The following ZBTB25 variants were observed in gnomAD, a reference collection of about 807,000 sequenced individuals.
ZBTB25 encodes the protein zinc finger and BTB domain containing 25.
In ZBTB25, 20 loss-of-function variants were observed where a neutral mutation model predicts 34.2. That is an observed-to-expected ratio of 0.58 (90% CI 0.41 to 0.85). ZBTB25 has a LOEUF of 0.85. ZBTB25 is among the 40% of genes least tolerant of loss of function. The pLI is 0.00. For synonymous variants in ZBTB25, 175 were observed against 186.4 expected (o/e 0.94, Z 0.50); for missense variants, 437 against 521.8 (o/e 0.84, Z 1.58).
chr14:64,502,161 C>A (rs1324011625), intron 1 of ZBTB25, among the ~76,000 whole-genome samples: 1 of 152,194 alleles, frequency 6.6e-6, no homozygotes, highest in East Asian at 1.9e-4. Flanking sequence ...TGGCCCACTG[C>A]AAGTACTCAG....
intron 2 of ZBTB25, chr14:64,468,482 G>A (rs2078634556): frequency 1.9e-6 from 3 of 1,613,984 alleles, no homozygotes; most frequent in Non-Finnish European, 2.5e-6. Context: ...AAGGCAGAAG[G>A]AAAAGGCATC....
In ZBTB25 at chr14:64,484,933, C is replaced by G. The variant is rs959939040; in HGVS notation, c.*1990G>C. The G allele has an allele frequency of 4.1e-5, 38 of 934,934 alleles. No individual in the cohort carries two copies. Among genetic ancestry groups the G allele is most frequent in the Admixed American group, 2.5e-4 (4 of 16,174 alleles). The allele number at this position is 934,934 out of a possible 1,614,324, so 57.9% of individuals were successfully genotyped here. On this transcript the variant is annotated 3_prime_UTR_variant, in exon 3 of 3. Coordinates refer to ENST00000608382, the MANE Select transcript of ZBTB25 (RefSeq NM_006977.5). The stretch of plus-strand genomic sequence containing the variant: ...TGGTAGAAAAAAGTTTAAGATTAGA[C>G]AAAGTTCTGACCCCAAAGAACATAC...
Position 64,482,834 on chromosome 14 carries a change from A to G in ZBTB25, c.*4089T>C, listed in dbSNP as rs1326319689. ...TCGTTTATATGGTTGATTTTAATCA[A>G]TAATACTGAGAGAACTTAACACGTT... On this transcript the variant is annotated 3_prime_UTR_variant, in exon 3 of 3. Transcript: ENST00000608382. 3 of 152,256 alleles carry G rather than the reference A, an allele frequency of 2.0e-5. No homozygotes were observed. Among genetic ancestry groups the G allele is most frequent in the Non-Finnish European group, 2.9e-5 (2 of 68,036 alleles). 9.4% of individuals were successfully genotyped at this position (152,256 alleles called of 1,614,324 possible).
At position 64,482,466 on chromosome 14, in the gene ZBTB25, A is replaced by C. The variant is rs564243094; in HGVS notation, c.*4457T>G. 2.6e-5 allele frequency: 4 copies of C among 152,346 alleles called. No homozygotes were observed. The highest frequency in any genetic ancestry group is 3.9e-4 in the East Asian group (2 of 5,182). The allele number at this position is 152,346 out of a possible 1,614,324, so 9.4% of individuals were successfully genotyped here. On this transcript the variant is annotated 3_prime_UTR_variant, in exon 3 of 3. Coordinates refer to ENST00000608382, the MANE Select transcript of ZBTB25 (RefSeq NM_006977.5). ...ACTCCGTCTCAAAAAAGAAAAAAAA[A>C]CAAAGGTATTTATTTATTGTTTTTG...
chr14:64,500,754 G>C (rs1011685245), intron 1 of ZBTB25, among the ~76,000 whole-genome samples: 1 of 151,540 alleles, frequency 6.6e-6, no homozygotes, highest in African/African-American at 2.4e-5. Flanking sequence ...TAGTCAAATG[G>C]ATAAAGAAAA....
chr14:64,454,812 T>C lies in ZBTB25; in HGVS notation c.174-5174A>G, dbSNP rs1177823217. The stretch of plus-strand genomic sequence containing the variant: ...AAAAAGGTGTCCCTACAGGCTTCAT[T>C]CTGCCCATTCGCGACATCCGCGCCA... On this transcript the variant is annotated intron_variant, in intron 2 of 2. Coordinates refer to the ZBTB25 transcript ENST00000555220. 1.2e-5 allele frequency: 19 copies of C among 1,614,112 alleles called. No homozygotes were observed. The highest frequency in any genetic ancestry group is 1.6e-5 in the Non-Finnish European group (19 of 1,180,046).
At chr14:64,449,781 C>A in intron 2 of ZBTB25, 1 of 820,778 alleles carries the variant, frequency 1.2e-6, no homozygotes, top group Non-Finnish European at 2.0e-6. Flanking sequence ...GGACTCCCAG[C>A]TGTAGACAGC....
At chr14:64,488,845 A>G (rs900890906) in intron 2 of ZBTB25, among the ~76,000 whole-genome samples, 1 of 152,254 alleles carries the variant, frequency 6.6e-6, no homozygotes, top group Non-Finnish European at 1.5e-5. Flanking sequence ...GTTGTACAAC[A>G]TTGCGAATGT....
chr14:64,491,957 T>C (rs892711778), intron 1 of ZBTB25, among the ~76,000 whole-genome samples: 10 of 151,884 alleles, frequency 6.6e-5, no homozygotes, highest in African/African-American at 1.9e-4. Context: ...TAGTGCTTCC[T>C]ATGTGTCAAA....
intron 2 of ZBTB25, among the ~76,000 whole-genome samples, chr14:64,450,908 C>A (rs1390801294): frequency 6.6e-6 from 1 of 152,094 alleles, no homozygotes; most frequent in Non-Finnish European, 1.5e-5. Flanking sequence ...TGGCTCACCC[C>A]TGTAACCCCA....
At chr14:64,495,322 G>C (rs2079230489) in intron 1 of ZBTB25, among the ~76,000 whole-genome samples, 1 of 152,188 alleles carries the variant, frequency 6.6e-6, no homozygotes, top group African/African-American at 2.4e-5. Flanking sequence ...AGCCTTAAGT[G>C]TGCTGTTTGG....
chr14:64,451,618 A>T (rs2078373929), intron 2 of ZBTB25, among the ~76,000 whole-genome samples: 1 of 152,250 alleles, frequency 6.6e-6, no homozygotes, highest in Non-Finnish European at 1.5e-5. Context: ...AATGCATAGC[A>T]CCCAAGGCTG....
chr14:64,477,729 T>G (rs2078732831), downstream of ZBTB25, among the ~76,000 whole-genome samples: 1 of 152,358 alleles, frequency 6.6e-6, no homozygotes, highest in African/African-American at 2.4e-5. Context: ...AAAAATTTTT[T>G]TTTAATTACC....
At chr14:64,504,911 C>T, upstream of ZBTB25, 2 of 395,938 alleles carry the variant, frequency 5.1e-6, no homozygotes, top group Non-Finnish European at 4.5e-6. Flanking sequence ...CTTAAACTCC[C>T]TAAAATCTCC....
At chr14:64,460,220 G>T in intron 2 of ZBTB25, 1 of 325,712 alleles carries the variant, frequency 3.1e-6, no homozygotes, top group East Asian at 5.4e-5. Context: ...GGGTTGGGTT[G>T]GAAGTTGATG....
At chr14:64,494,347 G>A (rs935462084) in intron 1 of ZBTB25, among the ~76,000 whole-genome samples, 3 of 152,170 alleles carry the variant, frequency 2.0e-5, no homozygotes, top group Admixed American at 2.0e-4. Context: ...GAAACCAGAG[G>A]CTAGGCCAAG....
rs2078748217 is a variant in ZBTB25, at chr14:64,479,040, T to C, written c.*7883A>G. 6.6e-6 allele frequency: 1 copy of C among 152,238 alleles called. No individual in the cohort carries two copies. The highest frequency in any genetic ancestry group is 2.1e-4 in the South Asian group (1 of 4,834). The allele number at this position is 152,238 out of a possible 1,614,324, so 9.4% of individuals were successfully genotyped here. A position where few individuals can be genotyped will look rare whatever the true frequency, so the allele number is the denominator to read the frequency against. On this transcript the variant is annotated 3_prime_UTR_variant, in exon 3 of 3. Transcript: ENST00000608382. ...TAATCACATTTTTTCCTTTTATTTC[T>C]AATAATCACATTTTTATCTTTTAAA...
Position 64,483,818 on chromosome 14 carries a change from G to C in ZBTB25, c.*3105C>G, listed in dbSNP as rs117775695. The C allele has an allele frequency of 0.018, 2,743 of 151,696 alleles. 36 individuals carry two copies. The highest frequency in any genetic ancestry group is 0.054 in the Middle Eastern group (16 of 296). The allele number at this position is 151,696 out of a possible 1,614,324, so 9.4% of individuals were successfully genotyped here. ...CTACTAAAAATACAAAAATTAGCTGGGCATGGTGGCACATGCTCAGGAGGC... is the reference window on the plus strand; with the variant it reads ...CTACTAAAAATACAAAAATTAGCTGCGCATGGTGGCACATGCTCAGGAGGC... On this transcript the variant is annotated 3_prime_UTR_variant, in exon 3 of 3. Transcript: ENST00000608382.
chr14:64,480,434 G>T lies in ZBTB25; in HGVS notation c.*6489C>A. On this transcript the variant is annotated 3_prime_UTR_variant, in exon 3 of 3. Coordinates refer to ENST00000608382, the MANE Select transcript of ZBTB25 (RefSeq NM_006977.5). ...CAGTTGGAAAGCATTTGATTAGGAC[G>T]TCAATTTTCGATTAACACAGATTAT... 2.8e-6 allele frequency: 1 copy of T among 354,370 alleles called. No homozygotes were observed. Among genetic ancestry groups the T allele is most frequent in the South Asian group, 2.2e-5 (1 of 45,206 alleles). 22.0% of individuals were successfully genotyped at this position (354,370 alleles called of 1,614,324 possible).
Sources: allele counts gnomAD v4.1 joint callset (sites outside exome capture counted in the v4.1 genomes callset), GRCh38; gene constraint gnomAD v4.1.1; transcripts MANE v1.5; gene names NCBI Gene and HGNC (gene_info 2026-07-23, HGNC 2026-07-21).